WDPCP: variants seen among roughly 807,000 people sequenced by gnomAD.
The protein encoded by WDPCP is WD repeat-containing and planar cell polarity effector protein fritz homolog.
In WDPCP, 71 loss-of-function variants were observed where a neutral mutation model predicts 93.1. The observed-to-expected ratio is 0.76, with a 90% CI of 0.63 to 0.93. The LOEUF is 0.93. Ranked by LOEUF, WDPCP falls within the 40% of genes least tolerant of loss-of-function variation. The probability of loss-of-function intolerance (pLI) is 0.00; values close to 1 mark genes in which losing one functional copy is unlikely to be tolerated. For synonymous variants in WDPCP, 315 were observed against 315.0 expected (o/e 1.00, Z 0.00); for missense variants, 844 against 887.4 (o/e 0.95, Z 0.62).
chr2:63,588,459 C>A lies in WDPCP; in HGVS notation c.-188G>T. ...GTCGCTTAGCAACCTGAGAAGCTGTCCGGTCGTCCCAACTTATCAATTCCC... is the reference window on the plus strand; with the variant it reads ...GTCGCTTAGCAACCTGAGAAGCTGTACGGTCGTCCCAACTTATCAATTCCC... On this transcript the variant is annotated 5_prime_UTR_variant, in exon 1 of 18. Transcript: ENST00000272321. The A allele has an allele frequency of 1.4e-6, 1 of 694,592 alleles. No homozygotes were observed. The highest frequency in any genetic ancestry group is 1.6e-5 in the South Asian group (1 of 63,090). The allele number at this position is 694,592 out of a possible 1,614,324, so 43.0% of individuals were successfully genotyped here.
intron 3 of WDPCP, among the ~76,000 whole-genome samples, chr2:63,627,859 T>C (rs1329020405): frequency 6.6e-6 from 1 of 152,222 alleles, no homozygotes; most frequent in African/African-American, 2.4e-5. Flanking sequence ...TGTCTGCAGA[T>C]GCTAAAGGCT....
At chr2:63,570,880 C>A (rs954393602) in intron 1 of WDPCP, among the ~76,000 whole-genome samples, 2 of 152,014 alleles carry the variant, frequency 1.3e-5, no homozygotes, top group Non-Finnish European at 1.5e-5. Flanking sequence ...CTGCCACTTA[C>A]ACTTTATGAA....
intron 1 of WDPCP, among the ~76,000 whole-genome samples, chr2:63,575,787 T>C (rs1708076510): frequency 6.6e-6 from 1 of 151,772 alleles, no homozygotes; most frequent in Non-Finnish European, 1.5e-5. Context: ...ATGTATATAA[T>C]AGACAATATA....
In WDPCP at chr2:63,538,059, T is replaced by G. The variant is rs576275291; in HGVS notation, c.76-45119A>C. On this transcript the variant is annotated intron_variant, in intron 1 of 17. Transcript: ENST00000272321. Reference sequence around the variant, plus strand: ...TGCGCTAAAAAACAAGGTTTTGGGGTTTTTTTAATTTCAGATAGGTCAAAA... The same window carrying G: ...TGCGCTAAAAAACAAGGTTTTGGGGGTTTTTTAATTTCAGATAGGTCAAAA... 5.3e-5 allele frequency among the ~76,000 whole-genome samples: 8 copies of G among 152,172 alleles called. No homozygotes were observed. The South Asian group carries it at 1.7e-3, about 32-fold the overall frequency.
chr2:63,494,793 G>A (rs1479185307), intron 1 of WDPCP, among the ~76,000 whole-genome samples: 1 of 152,020 alleles, frequency 6.6e-6, no homozygotes, highest in African/African-American at 2.4e-5. Flanking sequence ...GGTGGCGGGC[G>A]CCTGTAGTCC....
chr2:63,441,855 C>T (rs1697526411), intron 6 of WDPCP: 1 of 151,938 alleles, frequency 6.6e-6, no homozygotes, highest in South Asian at 2.1e-4. Context: ...TCATTATATG[C>T]CAAGCACTAA....
At chr2:63,392,545 T>C (rs1237039695) in intron 10 of WDPCP, among the ~76,000 whole-genome samples, 1 of 152,118 alleles carries the variant, frequency 6.6e-6, no homozygotes, top group African/African-American at 2.4e-5. Flanking sequence ...TGGGATCTAA[T>C]TAAACTAAAG....
intron 14 of WDPCP, among the ~76,000 whole-genome samples, chr2:63,197,213 A>T (rs1252912082): frequency 3.3e-5 from 5 of 152,022 alleles, no homozygotes; most frequent in Non-Finnish European, 5.9e-5. Flanking sequence ...CTTTATGATA[A>T]TTCACTTTCA....
chr2:63,343,199 G>C (rs1327133203), intron 12 of WDPCP, among the ~76,000 whole-genome samples: 1 of 151,764 alleles, frequency 6.6e-6, no homozygotes, highest in Non-Finnish European at 1.5e-5. Flanking sequence ...GTAGAGATGA[G>C]GTTTTGCCAT....
chr2:63,784,838 T>G (rs918624471), intron 2 of WDPCP, among the ~76,000 whole-genome samples: 3 of 152,188 alleles, frequency 2.0e-5, no homozygotes, highest in African/African-American at 7.2e-5. Flanking sequence ...ATGTTATGTT[T>G]GGGACACAGG....
chr2:63,181,943 T>C (rs1674276303), intron 14 of WDPCP, among the ~76,000 whole-genome samples: 1 of 151,978 alleles, frequency 6.6e-6, no homozygotes, highest in African/African-American at 2.4e-5. Context: ...TTTGTAGCTA[T>C]TGTAGTTCTT....
chr2:63,329,489 T>G (rs527474880), intron 12 of WDPCP, among the ~76,000 whole-genome samples: 9 of 152,340 alleles, frequency 5.9e-5, no homozygotes, highest in African/African-American at 2.2e-4. Flanking sequence ...TTGTAAGTAT[T>G]TGAATTCTAT....
At chr2:63,231,444 C>A (rs898370017) in intron 14 of WDPCP, among the ~76,000 whole-genome samples, 1 of 152,052 alleles carries the variant, frequency 6.6e-6, no homozygotes, top group African/African-American at 2.4e-5. Context: ...TCATCTCAGC[C>A]CAAAATCTCC....
intron 12 of WDPCP, among the ~76,000 whole-genome samples, chr2:63,335,134 G>A (rs920152363): frequency 1.2e-4 from 18 of 152,240 alleles, no homozygotes; most frequent in Admixed American, 3.3e-4. Context: ...ACATGTATAT[G>A]GGTAATCAAA....
At chr2:63,829,896 T>C (rs1285548377), upstream of WDPCP, among the ~76,000 whole-genome samples, 1 of 151,848 alleles carries the variant, frequency 6.6e-6, no homozygotes, top group Non-Finnish European at 1.5e-5. Flanking sequence ...GGAAGAGAAA[T>C]GTAAGCCGTG....
intron 1 of WDPCP, among the ~76,000 whole-genome samples, chr2:63,555,373 AGCCAT>A (rs963075664): frequency 4.0e-5 from 6 of 151,128 alleles, no homozygotes; most frequent in Admixed American, 3.3e-4. Flanking sequence ...AGGGAGAGGC[AGCCAT>A]GATCTCCGTA....
intron 17 of WDPCP, among the ~76,000 whole-genome samples, chr2:63,127,346 A>C (rs973547842): frequency 2.6e-5 from 4 of 151,650 alleles, no homozygotes; most frequent in African/African-American, 9.7e-5. Context: ...GATGGTCTTG[A>C]TCTCCTGACC....
At chr2:63,671,025 A>G (rs969423868) in intron 2 of WDPCP, among the ~76,000 whole-genome samples, 1 of 152,198 alleles carries the variant, frequency 6.6e-6, no homozygotes, top group Non-Finnish European at 1.5e-5. Flanking sequence ...ATCCCACTGC[A>G]CAGTTCGAAC....
chr2:63,807,209 G>A (rs1220957596), intron 2 of WDPCP, among the ~76,000 whole-genome samples: 1 of 152,190 alleles, frequency 6.6e-6, no homozygotes, highest in African/African-American at 2.4e-5. Context: ...TGGGGTCCCT[G>A]ACTTCCCGCA....
Sources: gnomAD v4.1 joint callset for allele counts (sites outside exome capture counted in the v4.1 genomes callset) on GRCh38, gnomAD v4.1.1 for gene constraint, MANE v1.5 for transcripts, NCBI Gene and HGNC (gene_info 2026-07-23, HGNC 2026-07-21) for gene names.